Variants in ENTREP2 observed in about 807,000 individuals in gnomAD.
ENTREP2 encodes the protein endosomal transmembrane epsin interactor 2, also known as protein ENTREP2.
the ENTREP2 span, among the ~76,000 whole-genome samples, chr15:29,335,484 G>T: frequency 6.6e-6 from 1 of 152,128 alleles, no homozygotes; most frequent in Non-Finnish European, 1.5e-5. Context: ...TCACTGCAAC[G>T]CTTGCAAGCA....
chr15:29,416,386 A>T, the ENTREP2 span, among the ~76,000 whole-genome samples: 1 of 152,240 alleles, frequency 6.6e-6, no homozygotes, highest in South Asian at 2.1e-4. Context: ...GACAAAAACG[A>T]GAAATGGGGA....
chr15:29,405,651 C>T, the ENTREP2 span, among the ~76,000 whole-genome samples: 10 of 152,322 alleles, frequency 6.6e-5, no homozygotes, highest in Admixed American at 4.6e-4. Context: ...CCCACAGTGC[C>T]GCTCACTCAT....
At chr15:29,589,514 C>A in the ENTREP2 span, among the ~76,000 whole-genome samples, 2 of 152,130 alleles carry the variant, frequency 1.3e-5, no homozygotes, top group African/African-American at 4.8e-5. Context: ...TCATTCGTCA[C>A]GGAGAAGGGG....
the ENTREP2 span, among the ~76,000 whole-genome samples, chr15:29,331,890 G>A: frequency 6.6e-6 from 1 of 152,206 alleles, no homozygotes; most frequent in African/African-American, 2.4e-5. Context: ...ATTCACCAGT[G>A]CAGCTGAGGT....
At chr15:29,194,260 G>C in the ENTREP2 span, among the ~76,000 whole-genome samples, 1 of 152,208 alleles carries the variant, frequency 6.6e-6, no homozygotes, top group Non-Finnish European at 1.5e-5. Flanking sequence ...CCCTGCCAAG[G>C]CTGTTGCTCC....
the ENTREP2 span, among the ~76,000 whole-genome samples, chr15:29,659,458 G>A: frequency 6.6e-6 from 1 of 151,970 alleles, no homozygotes; most frequent in Non-Finnish European, 1.5e-5. Context: ...GAGACAGTGC[G>A]AGACTCCATC....
the ENTREP2 span, among the ~76,000 whole-genome samples, chr15:29,528,178 A>C: frequency 3.0e-4 from 45 of 152,210 alleles, no homozygotes; most frequent in East Asian, 8.5e-3. Flanking sequence ...TTATACCAAA[A>C]TTCAAGGGGT....
chr15:29,395,364 T>G, the ENTREP2 span, among the ~76,000 whole-genome samples: 2 of 152,144 alleles, frequency 1.3e-5, no homozygotes, highest in Non-Finnish European at 2.9e-5. Context: ...CTTTTGGGTA[T>G]GTACCCAGAA....
At chr15:29,503,085 C>A in the ENTREP2 span, among the ~76,000 whole-genome samples, 1 of 152,070 alleles carries the variant, frequency 6.6e-6, no homozygotes, top group East Asian at 1.9e-4. Flanking sequence ...CTCTGTAATT[C>A]TACCCTTACA....
the ENTREP2 span, among the ~76,000 whole-genome samples, chr15:29,316,221 T>C: frequency 2.0e-5 from 3 of 151,556 alleles, no homozygotes; most frequent in East Asian, 1.9e-4. Context: ...CAGAGAGCGG[T>C]TTAAACTGAC....
At chr15:29,567,376 G>T in the ENTREP2 span, among the ~76,000 whole-genome samples, 2 of 152,202 alleles carry the variant, frequency 1.3e-5, no homozygotes, top group African/African-American at 4.8e-5. Flanking sequence ...CTAAGAAAGA[G>T]AGAGCCTCCT....
chr15:29,641,222 A>G, the ENTREP2 span, among the ~76,000 whole-genome samples: 73 of 152,342 alleles, frequency 4.8e-4, no homozygotes, highest in Admixed American at 9.1e-4. Flanking sequence ...TATCATACTT[A>G]GTAGAGAGAC....
the ENTREP2 span, among the ~76,000 whole-genome samples, chr15:29,444,193 A>C: frequency 1.5e-3 from 202 of 134,422 alleles, 2 homozygotes; most frequent in African/African-American, 3.0e-3. Context: ...AAAGAAAGAA[A>C]GAAAGAAAGA....
chr15:29,395,022 G>C, the ENTREP2 span, among the ~76,000 whole-genome samples: 1 of 150,118 alleles, frequency 6.7e-6, no homozygotes, highest in Admixed American at 6.7e-5. Context: ...TGAGTAGCTG[G>C]GCTACAGGCG....
the ENTREP2 span, among the ~76,000 whole-genome samples, chr15:29,662,144 G>A: frequency 4.7e-5 from 7 of 148,468 alleles, no homozygotes; most frequent in Non-Finnish European, 8.9e-5. Context: ...CCAGGAGGTG[G>A]AGGTTGTGGT....
the ENTREP2 span, among the ~76,000 whole-genome samples, chr15:29,664,544 T>C: frequency 6.6e-6 from 1 of 151,824 alleles, no homozygotes; most frequent in Non-Finnish European, 1.5e-5. Flanking sequence ...GTGTGGAAGA[T>C]GGCAGTGTGG....
At chr15:29,667,192 CTT>C in the ENTREP2 span, among the ~76,000 whole-genome samples, 12 of 144,272 alleles carry the variant, frequency 8.3e-5, no homozygotes, top group Non-Finnish European at 7.6e-5. Context: ...CTTTTCTTTC[CTT>C]TTTTTTTTTT....
At chr15:29,153,797 A>AT in the ENTREP2 span, among the ~76,000 whole-genome samples, 1 of 152,096 alleles carries the variant, frequency 6.6e-6, no homozygotes, top group Admixed American at 6.5e-5. Context: ...CATAGTTTGC[A>AT]TTTAAGTCTA....
chr15:29,663,974 G>A, the ENTREP2 span, among the ~76,000 whole-genome samples: 1 of 151,102 alleles, frequency 6.6e-6, no homozygotes, highest in African/African-American at 2.4e-5. Flanking sequence ...GTTGCAGTGA[G>A]CCGAGATCGC....
Sources: gnomAD v4.1 joint callset for allele counts (sites outside exome capture counted in the v4.1 genomes callset) on GRCh38, gnomAD v4.1.1 for gene constraint, MANE v1.5 for transcripts, NCBI Gene and HGNC (gene_info 2026-07-23, HGNC 2026-07-21) for gene names.